The following SMIM15 variants were observed in gnomAD, a reference collection of about 807,000 sequenced individuals.
SMIM15 encodes UPF0542 protein C5orf43.
In SMIM15, 5 loss-of-function variants were observed where a neutral mutation model predicts 6.8. The observed-to-expected ratio is 0.74, with a 90% CI of 0.39 to 1.56. SMIM15 has a LOEUF of 1.56. Among genes scored for constraint, SMIM15 ranks in the 40% most tolerant of loss-of-function variants. The probability of loss-of-function intolerance (pLI) is 0.03; values close to 1 mark genes in which losing one functional copy is unlikely to be tolerated. For synonymous variants in SMIM15, 30 were observed against 30.8 expected, an observed-to-expected ratio of 0.97 and a Z score of 0.09; for missense variants, 81 against 84.8, an observed-to-expected ratio of 0.96 and a Z score of 0.18.
intron 2 of SMIM15, 111 bp downstream of exon 2, chr5:61,160,977 G>A (rs1741407276): frequency 6.6e-6 from 1 of 152,168 alleles, no homozygotes; most frequent in African/African-American, 2.4e-5. Context: ...TCCCTTTCAT[G>A]TTTGTGTCAA....
rs1215832316 is a variant in SMIM15, at chr5:61,160,055, T to A, written c.117A>T (p.Val39=). 2 of 1,614,178 alleles carry A rather than the reference T, an allele frequency of 1.2e-6. No homozygotes were observed. The highest frequency in any genetic ancestry group is 2.2e-5 in the East Asian group (1 of 44,876). Residue 39 remains valine, a synonymous_variant, in exon 3 of 3, where the codon GTA becomes GTT. Coordinates refer to ENST00000339020, the MANE Select transcript of SMIM15 (RefSeq NM_001048249.4). ...TCATCTTGGCCAATTTCCAAGACAG[T>A]ACAGCACTTGCTAGGAACAGTGGAG... ...ALTPLFLASA[V]LSWKLAKMIE... is the part of the protein sequence containing the mutation.
Position 61,159,639 on chromosome 5 carries a change from C to T in SMIM15, c.*308G>A. ...GTTCATAATCTAAAGTCACTTTTCC[C>T]CACAAGATGTTTTCATTTCAGTATA... On this transcript the variant is annotated 3_prime_UTR_variant, in exon 3 of 3. Transcript: ENST00000339020. 1 of 306,468 alleles carries T rather than the reference C, an allele frequency of 3.3e-6. No homozygotes were observed. Among genetic ancestry groups the T allele is most frequent in the Non-Finnish European group, 6.1e-6 (1 of 163,926 alleles). The allele number at this position is 306,468 out of a possible 1,614,324, so 19.0% of individuals were successfully genotyped here. A position where few individuals can be genotyped will look rare whatever the true frequency, so the allele number is the denominator to read the frequency against.
rs1579860798 is a variant in SMIM15, at chr5:61,159,780, G to C, written c.*167C>G. ...TAAACTTCTACACCCACGCCTAAAA[G>C]TTACTATAGTATTGAGGTCAGAACT... is the stretch of plus-strand genomic sequence containing the variant. On this transcript the variant is annotated 3_prime_UTR_variant, in exon 3 of 3. Transcript: ENST00000339020. The C allele has an allele frequency of 2.8e-6, 2 of 723,412 alleles. No homozygotes were observed. Among genetic ancestry groups the C allele is most frequent in the East Asian group, 2.7e-5 (1 of 36,928 alleles). The allele number at this position is 723,412 out of a possible 1,614,324, so 44.8% of individuals were successfully genotyped here.
Position 61,157,972 on chromosome 5 carries a change from C to T in SMIM15, c.*1975G>A, listed in dbSNP as rs1741350587. 6.9e-6 allele frequency: 1 copy of T among 144,718 alleles called. No individual in the cohort carries two copies. The highest frequency in any genetic ancestry group is 2.3e-4 in the South Asian group (1 of 4,440). The allele number at this position is 144,718 out of a possible 1,614,324, so 9.0% of individuals were successfully genotyped here. A position where few individuals can be genotyped will look rare whatever the true frequency, so the allele number is the denominator to read the frequency against. On this transcript the variant is annotated 3_prime_UTR_variant, in exon 3 of 3. Transcript: ENST00000339020. Reference sequence around the variant, plus strand: ...GAAGAATCCCAAACCTCACAATATTCTCTATACTCCAGCCCCTTACACACA... The same window carrying T: ...GAAGAATCCCAAACCTCACAATATTTTCTATACTCCAGCCCCTTACACACA...
Position 61,160,005 on chromosome 5 carries a change from T to C in SMIM15, c.167A>G (p.Lys56Arg). Residue 56 changes from lysine to arginine, a missense_variant, in exon 3 of 3, where the codon AAG becomes AGG. Lys to Arg is a conservative substitution (Grantham distance 26). Transcript: ENST00000339020. ...GTTTTCTTGGCGTTTTTGCTTCTTC[T>C]TTTGCTCCTTCTCCCTGGCCTCAAT... is the stretch of plus-strand genomic sequence containing the variant. Reference protein sequence around the residue: ...KMIEAREKEQKKKQKRQENIA... With the variant: ...KMIEAREKEQRKKQKRQENIA... 6.2e-7 allele frequency: 1 copy of C among 1,614,068 alleles called. No homozygotes were observed. Among genetic ancestry groups the C allele is most frequent in the Non-Finnish European group, 8.5e-7 (1 of 1,180,042 alleles).
rs1451987602 is a variant in SMIM15 at position 61,159,457 on chromosome 5, TAAGA to T, written c.*486_*489del. The T allele has an allele frequency of 6.5e-6, 1 of 153,864 alleles. No individual in the cohort carries two copies. Among genetic ancestry groups the T allele is most frequent in the African/African-American group, 2.4e-5 (1 of 41,466 alleles). 9.5% of individuals were successfully genotyped at this position (153,864 alleles called of 1,614,324 possible). ...GTTTTGAGAAAGCCAGAAATGATTC[TAAGA>T]AATAAACAATAATAATAAAAGATGT... On this transcript the variant is annotated 3_prime_UTR_variant, in exon 3 of 3. Transcript: ENST00000339020.
chr5:61,159,727 A>C lies in SMIM15; in HGVS notation c.*220T>G. 3 of 568,902 alleles carry C rather than the reference A, an allele frequency of 5.3e-6. No individual in the cohort carries two copies. The highest frequency in any genetic ancestry group is 9.2e-6 in the Non-Finnish European group (3 of 324,920). 35.2% of individuals were successfully genotyped at this position (568,902 alleles called of 1,614,324 possible). ...AGAATTTGTACCACAGTAAATGCTA[A>C]TTTACAATAACTGTCAATAGAAACC... On this transcript the variant is annotated 3_prime_UTR_variant, in exon 3 of 3. Coordinates refer to ENST00000339020, the MANE Select transcript of SMIM15 (RefSeq NM_001048249.4).
rs1378034527 is a variant in SMIM15 at position 61,159,020 on chromosome 5, G to T, written c.*927C>A. The T allele has an allele frequency of 6.6e-6, 1 of 152,150 alleles. No homozygotes were observed. The highest frequency in any genetic ancestry group is 1.5e-5 in the Non-Finnish European group (1 of 68,016). 9.4% of individuals were successfully genotyped at this position (152,150 alleles called of 1,614,324 possible). A position where few individuals can be genotyped will look rare whatever the true frequency, so the allele number is the denominator to read the frequency against. ...AAATTTAACGTTTTACTTTGAACCT[G>T]TTTGATCAGAAAGTATTAAATATCA... On this transcript the variant is annotated 3_prime_UTR_variant, in exon 3 of 3. Coordinates refer to ENST00000339020, the MANE Select transcript of SMIM15 (RefSeq NM_001048249.4).
In SMIM15 at chr5:61,159,424, A is replaced by G. The variant is rs963152809; in HGVS notation, c.*523T>C. ...GCAGCAAATAGAAGTACTCATTAATATTATTTTGTTTTGAGAAAGCCAGAA... is the reference window on the plus strand; with the variant it reads ...GCAGCAAATAGAAGTACTCATTAATGTTATTTTGTTTTGAGAAAGCCAGAA... On this transcript the variant is annotated 3_prime_UTR_variant, in exon 3 of 3. Transcript: ENST00000339020. 6.5e-6 allele frequency: 1 copy of G among 154,332 alleles called. No individual in the cohort carries two copies. Among genetic ancestry groups the G allele is most frequent in the African/African-American group, 2.4e-5 (1 of 41,476 alleles). The allele number at this position is 154,332 out of a possible 1,614,324, so 9.6% of individuals were successfully genotyped here.
rs1157094473 is a variant in SMIM15, at chr5:61,161,078, A to C, written c.-29+10T>G. 6.6e-6 allele frequency: 1 copy of C among 152,190 alleles called. No individual in the cohort carries two copies. The highest frequency in any genetic ancestry group is 1.9e-4 in the East Asian group (1 of 5,196). The allele number at this position is 152,190 out of a possible 1,614,324, so 9.4% of individuals were successfully genotyped here. ...ATTTCAACTGGAATTTTTTTAAAAAAATCATCTACCTTATGCTTGAGTAGT... is the reference window on the plus strand; with the variant it reads ...ATTTCAACTGGAATTTTTTTAAAAACATCATCTACCTTATGCTTGAGTAGT... On this transcript the variant is annotated intron_variant, in intron 2 of 2. Transcript: ENST00000339020.
In SMIM15 at chr5:61,158,795, T is replaced by G. The variant is rs1741364684; in HGVS notation, c.*1152A>C. On this transcript the variant is annotated 3_prime_UTR_variant, in exon 3 of 3. Transcript: ENST00000339020. ...AAAAGCCATGTTTAATAGTAAAACG[T>G]TCCAGTTCTACTAAACTGAAAGAAA... 1 of 152,138 alleles carries G rather than the reference T, an allele frequency of 6.6e-6. No individual in the cohort carries two copies. Among genetic ancestry groups the G allele is most frequent in the African/African-American group, 2.4e-5 (1 of 41,438 alleles). The allele number at this position is 152,138 out of a possible 1,614,324, so 9.4% of individuals were successfully genotyped here.
intron 2 of SMIM15, among the ~76,000 whole-genome samples, 189 bp downstream of exon 2, chr5:61,160,899 A>G (rs1741403396): frequency 6.6e-6 from 1 of 152,220 alleles, no homozygotes; most frequent in East Asian, 1.9e-4. Flanking sequence ...AGTGTAAGGA[A>G]AAGGCAACTG....
chr5:61,158,728 T>A lies in SMIM15; in HGVS notation c.*1219A>T, dbSNP rs1741363715. 1.3e-5 allele frequency: 2 copies of A among 152,270 alleles called. No homozygotes were observed. The highest frequency in any genetic ancestry group is 2.4e-5 in the African/African-American group (1 of 41,574). 9.4% of individuals were successfully genotyped at this position (152,270 alleles called of 1,614,324 possible). A position where few individuals can be genotyped will look rare whatever the true frequency, so the allele number is the denominator to read the frequency against. On this transcript the variant is annotated 3_prime_UTR_variant, in exon 3 of 3. Coordinates refer to ENST00000339020, the MANE Select transcript of SMIM15 (RefSeq NM_001048249.4). ...AAACATTAATAAGCTGACAGTGAAT[T>A]AAATACTAACAGTGAATAAAATTAT...
rs1741412102 is a variant in SMIM15, at chr5:61,161,228, C to T, written c.-168-1G>A. ...GACGGTTTAAATTCTGTACAATTGG[C>T]TAGTTGGAAAGAATACAAAAAATAA... On this transcript the variant is annotated splice_acceptor_variant, in intron 1 of 2. Coordinates refer to ENST00000339020, the MANE Select transcript of SMIM15 (RefSeq NM_001048249.4). LOFTEE classifies it low-confidence loss of function (5UTR_SPLICE). The T allele has an allele frequency of 6.6e-6, 1 of 152,038 alleles. No individual in the cohort carries two copies. The highest frequency in any genetic ancestry group is 6.6e-5 in the Admixed American group (1 of 15,240). 9.4% of individuals were successfully genotyped at this position (152,038 alleles called of 1,614,324 possible). A position where few individuals can be genotyped will look rare whatever the true frequency, so the allele number is the denominator to read the frequency against.
At position 61,159,114 on chromosome 5, in the gene SMIM15, T is replaced by C. The variant is rs1366685726; in HGVS notation, c.*833A>G. On this transcript the variant is annotated 3_prime_UTR_variant, in exon 3 of 3. Coordinates refer to ENST00000339020, the MANE Select transcript of SMIM15 (RefSeq NM_001048249.4). Reference sequence around the variant, plus strand: ...GTGTCTTTGTAATCGGCGAATTACTTGATAAGACATTTTAACTATTTTACA... The same window carrying C: ...GTGTCTTTGTAATCGGCGAATTACTCGATAAGACATTTTAACTATTTTACA... 1.3e-5 allele frequency: 2 copies of C among 152,438 alleles called. No homozygotes were observed. Among genetic ancestry groups the C allele is most frequent in the African/African-American group, 4.8e-5 (2 of 41,450 alleles). The allele number at this position is 152,438 out of a possible 1,614,324, so 9.4% of individuals were successfully genotyped here.
In SMIM15 at chr5:61,159,179, T is replaced by C. The variant is rs1459310097; in HGVS notation, c.*768A>G. The stretch of plus-strand genomic sequence containing the variant: ...AAGAATAAACTGGGTTCCAAGGTAC[T>C]ACAGTGTTTGGCATTTTTACTGCAA... On this transcript the variant is annotated 3_prime_UTR_variant, in exon 3 of 3. Transcript: ENST00000339020. 3.3e-5 allele frequency: 5 copies of C among 152,668 alleles called. No individual in the cohort carries two copies. The highest frequency in any genetic ancestry group is 5.9e-5 in the Non-Finnish European group (4 of 68,040). The allele number at this position is 152,668 out of a possible 1,614,324, so 9.5% of individuals were successfully genotyped here. A position where few individuals can be genotyped will look rare whatever the true frequency, so the allele number is the denominator to read the frequency against.
Position 61,159,877 on chromosome 5 carries a change from T to A in SMIM15, c.*70A>T. ...GTCAAGAAATCCAAAGAAGAAACTT[T>A]AGTGGATTCTTCCAAAGCTGTGTAA... On this transcript the variant is annotated 3_prime_UTR_variant, in exon 3 of 3. Coordinates refer to ENST00000339020, the MANE Select transcript of SMIM15 (RefSeq NM_001048249.4). 1 of 1,515,656 alleles carries A rather than the reference T, an allele frequency of 6.6e-7. No homozygotes were observed. Among genetic ancestry groups the A allele is most frequent in the Non-Finnish European group, 9.0e-7 (1 of 1,110,234 alleles). 93.9% of individuals were successfully genotyped at this position (1,515,656 alleles called of 1,614,324 possible).
At chr5:61,161,012 A>G (rs1741408041) in intron 2 of SMIM15, 76 bp downstream of exon 2, 1 of 152,216 alleles carries the variant, frequency 6.6e-6, no homozygotes, top group Admixed American at 6.5e-5. Flanking sequence ...GGAGAATTAG[A>G]ATACCTGGGT....
rs1217551010 is a variant in SMIM15 at position 61,159,417 on chromosome 5, CATTAAT to C, written c.*524_*529del. On this transcript the variant is annotated 3_prime_UTR_variant, in exon 3 of 3. Coordinates refer to ENST00000339020, the MANE Select transcript of SMIM15 (RefSeq NM_001048249.4). ...GAAAAATGCAGCAAATAGAAGTACT[CATTAAT>C]ATTATTTTGTTTTGAGAAAGCCAGA... 6.5e-6 allele frequency: 1 copy of C among 154,286 alleles called. No individual in the cohort carries two copies. Among genetic ancestry groups the C allele is most frequent in the East Asian group, 1.9e-4 (1 of 5,226 alleles). The allele number at this position is 154,286 out of a possible 1,614,324, so 9.6% of individuals were successfully genotyped here.
Sources: allele counts gnomAD v4.1 joint callset (sites outside exome capture counted in the v4.1 genomes callset), GRCh38; gene constraint gnomAD v4.1.1; transcripts MANE v1.5; gene names NCBI Gene and HGNC (gene_info 2026-07-23, HGNC 2026-07-21).